Variants in DNHD1 observed in about 807,000 individuals in gnomAD.
The protein encoded by DNHD1 is dynein heavy chain domain-containing protein 1.
A neutral mutation model predicts 458.1 loss-of-function variants in DNHD1; 383 were observed. The ratio of observed to expected loss-of-function variants is 0.84; its 90% confidence interval spans 0.77 to 0.91. The LOEUF is 0.91. Among genes scored for constraint, DNHD1 ranks in the 40% least tolerant of loss-of-function variants. The pLI, the probability that DNHD1 is intolerant of heterozygous loss-of-function variation, is 0.00. For missense variants in DNHD1, 5,336 were observed against 5,866.1 expected (o/e 0.91, Z 2.95); for synonymous variants, 2,203 against 2,376.9 (o/e 0.93, Z 2.13).
At chr11:6,538,875 C>G in intron 16 of DNHD1, 65 bp downstream of exon 16, 1 of 1,367,184 alleles carries the variant, frequency 7.3e-7, no homozygotes, top group South Asian at 1.6e-5. Context: ...GATGCAGCAA[C>G]TCAGTTTCCT....
At chr11:6,522,024 A>C (rs2134398173) in intron 10 of DNHD1, among the ~76,000 whole-genome samples, 1 of 152,290 alleles carries the variant, frequency 6.6e-6, no homozygotes, top group Non-Finnish European at 1.5e-5. Flanking sequence ...GCCAGAACTG[A>C]AGTTCTGTTG....
intron 10 of DNHD1, among the ~76,000 whole-genome samples, chr11:6,526,107 C>A (rs1852706784): frequency 6.6e-6 from 1 of 151,734 alleles, no homozygotes. Flanking sequence ...AATATTTTTC[C>A]CTTTCTCTTG....
chr11:6,536,874 A>G (rs931557468), intron 14 of DNHD1, among the ~76,000 whole-genome samples: 2 of 151,958 alleles, frequency 1.3e-5, no homozygotes, highest in African/African-American at 4.8e-5. Flanking sequence ...ATTGTATGGG[A>G]CTCTAGCCAT....
At chr11:6,538,261 C>T (rs574462559) in intron 14 of DNHD1, 122 bp from the exon 15 acceptor site, 2 of 757,788 alleles carry the variant, frequency 2.6e-6, no homozygotes, top group Non-Finnish European at 2.2e-6. Context: ...CCACCTCCCC[C>T]ACCCCCAACC....
At chr11:6,566,186 T>C (rs955603690) in intron 33 of DNHD1, 55 bp from the exon 34 acceptor site, 57 of 1,538,020 alleles carry the variant, frequency 3.7e-5, no homozygotes, top group Non-Finnish European at 5.0e-5. Flanking sequence ...GCCTGGGGAA[T>C]GGGGATCATG....
In DNHD1 at chr11:6,559,276, C is replaced by A; in HGVS notation, c.9512C>A (p.Ser3171Tyr). ...IFDLEQQLKD[S>Y]GKSLSMFQQQ... Reference sequence around the variant, plus strand: ...GACTTGGAACAGCAGCTGAAAGACTCCGGCAAGGTAAGGAGATGATTTTGA... The same window carrying A: ...GACTTGGAACAGCAGCTGAAAGACTACGGCAAGGTAAGGAGATGATTTTGA... The change falls in exon 28 of 43, where the codon TCC (serine) becomes TAC (tyrosine). Residue 3171 changes from serine to tyrosine, a missense_variant. This residue lies in a region of DNHD1 where 3,932 missense variants were observed against 4,365.6 expected (regional missense o/e 0.90). Transcript: ENST00000254579. 6.4e-7 allele frequency: 1 copy of A among 1,551,440 alleles called. No individual in the cohort carries two copies. Among genetic ancestry groups the A allele is most frequent in the South Asian group, 1.2e-5 (1 of 84,050 alleles).
At chr11:6,569,038 T>A (rs968179038) in intron 39 of DNHD1, among the ~76,000 whole-genome samples, 172 bp downstream of exon 39, 6 of 152,092 alleles carry the variant, frequency 3.9e-5, no homozygotes, top group African/African-American at 1.4e-4. Context: ...TTGAATTGAG[T>A]CTTAAAAGCA....
Position 6,558,539 on chromosome 11 carries a change from A to T in DNHD1, c.9057A>T (p.Lys3019Asn). The T allele has an allele frequency of 6.4e-7, 1 of 1,551,686 alleles. No individual in the cohort carries two copies. The highest frequency in any genetic ancestry group is 8.7e-7 in the Non-Finnish European group (1 of 1,146,976). ...HLHLFFLIGD[K>N]QAHKQLPSTL... Reference sequence around the variant, plus strand: ...ACCTGTTCTTCCTGATTGGAGATAAACAGGCCCACAAGCAGCTGCCCTCCA... The same window carrying T: ...ACCTGTTCTTCCTGATTGGAGATAATCAGGCCCACAAGCAGCTGCCCTCCA... The change falls in exon 26 of 43, where the codon AAA (lysine) becomes AAT (asparagine). Residue 3019 changes from lysine to asparagine, a missense_variant. By Grantham distance (94) the Lys-to-Asn change is moderately conservative. Transcript: ENST00000254579.
chr11:6,539,851 G>A (rs774248271), intron 17 of DNHD1, 25 bp from the exon 18 acceptor site: 1 of 1,550,666 alleles, frequency 6.4e-7, no homozygotes, highest in South Asian at 1.2e-5. Flanking sequence ...ACCCAGTCCT[G>A]GTTCCTGAGA....
chr11:6,539,116 G>A, intron 16 of DNHD1, 103 bp from the exon 17 acceptor site: 1 of 779,316 alleles, frequency 1.3e-6, no homozygotes. Context: ...CTGCTATCTG[G>A]GGTCTGAGCT....
chr11:6,525,843 C>T (rs892994444), intron 10 of DNHD1, among the ~76,000 whole-genome samples: 4 of 152,084 alleles, frequency 2.6e-5, no homozygotes, highest in African/African-American at 9.7e-5. Flanking sequence ...TACAAAATCA[C>T]TTGTTCTTTT....
In DNHD1 at chr11:6,567,275, C is replaced by T. The variant is rs750533057; in HGVS notation, c.11766C>T (p.Thr3922=). 1.7e-5 allele frequency: 27 copies of T among 1,614,044 alleles called. No homozygotes were observed. In the South Asian group the frequency reaches 2.2e-4, roughly 13 times the overall value. The stretch of plus-strand genomic sequence containing the variant: ...TGACCCGCCAGCTGCTGGGCAGCAC[C>T]GTGACTGCACTGGGCCTTACCCAAG... ...AHLTRQLLGS[T]VTALGLTQVP... is the part of the protein sequence containing the mutation. Residue 3922 remains threonine, a synonymous_variant, in exon 36 of 43, where the codon ACC becomes ACT. Transcript: ENST00000254579.
In DNHD1 at chr11:6,564,984, A is replaced by G. The variant is rs552566843; in HGVS notation, c.10756+180A>G. ...ACATTTATTTTTTCTCTTTATTACA[A>G]TGATTCTGAATCTACATGACTGATT... On this transcript the variant is annotated intron_variant, in intron 32 of 42. Coordinates refer to ENST00000254579, the MANE Select transcript of DNHD1 (RefSeq NM_144666.3). 2.7e-4 allele frequency among the ~76,000 whole-genome samples: 41 copies of G among 152,240 alleles called. 3 individuals carry two copies. In the South Asian group the frequency reaches 6.0e-3, roughly 22 times the overall value.
Position 6,544,061 on chromosome 11 carries a change from C to A in DNHD1, c.3629-60C>A, listed in dbSNP as rs1589884168. 3.3e-6 allele frequency: 5 copies of A among 1,496,462 alleles called. No individual in the cohort carries two copies. The East Asian group carries it at 8.3e-5, about 25-fold the overall frequency. 92.7% of individuals were successfully genotyped at this position (1,496,462 alleles called of 1,614,324 possible). A position where few individuals can be genotyped will look rare whatever the true frequency, so the allele number is the denominator to read the frequency against. ...TGGAAGGTTCCCCTGGTCTCCTCTT[C>A]TCTCCCCCAGCCCCGGCCCTTGCCT... is the stretch of plus-strand genomic sequence containing the variant. On this transcript the variant is annotated intron_variant, in intron 18 of 42. Coordinates refer to ENST00000254579, the MANE Select transcript of DNHD1 (RefSeq NM_144666.3).
intron 8 of DNHD1, 31 bp from the exon 9 acceptor site, chr11:6,519,934 C>G: frequency 1.2e-6 from 2 of 1,613,756 alleles, no homozygotes; most frequent in Non-Finnish European, 1.7e-6. Context: ...ACATCTAGCC[C>G]CTCGACCTTT....
intron 18 of DNHD1, among the ~76,000 whole-genome samples, chr11:6,542,444 C>G (rs975693705): frequency 6.6e-6 from 1 of 152,246 alleles, no homozygotes; most frequent in Admixed American, 6.5e-5. Flanking sequence ...ACCAGTCTTT[C>G]CTGAGCTCAC....
At chr11:6,535,481 A>G (rs573251592) in intron 14 of DNHD1, among the ~76,000 whole-genome samples, 1 of 152,314 alleles carries the variant, frequency 6.6e-6, no homozygotes, top group East Asian at 1.9e-4. Flanking sequence ...GGGTAGGTAC[A>G]AGATGAACCT....
Position 6,498,762 on chromosome 11 carries a change from A to G in DNHD1, c.547A>G (p.Thr183Ala). 1 of 1,614,186 alleles carries G rather than the reference A, an allele frequency of 6.2e-7. No homozygotes were observed. The highest frequency in any genetic ancestry group is 1.1e-5 in the South Asian group (1 of 91,080). The part of the protein sequence containing the change: ...SRQQVKEELA[T>A]WLRPLTLPEL... ...GCAGCAAGTAAAGGAGGAGCTGGCC[A>G]CCTGGCTGCGACCATTGACACTGCC... is the stretch of plus-strand genomic sequence containing the variant. Residue 183 changes from threonine to alanine, a missense_variant, in exon 3 of 43, where the codon ACC becomes GCC. Around this residue, in one of 4 missense-constraint regions of DNHD1, gnomAD observed 3,932 missense variants for 4,365.6 expected, o/e 0.90. Coordinates refer to ENST00000254579, the MANE Select transcript of DNHD1 (RefSeq NM_144666.3).
rs1488281026 is a variant in DNHD1, at chr11:6,502,897, T to C, written c.891T>C (p.Tyr297=). Residue 297 remains tyrosine (Y), a synonymous_variant, in exon 4 of 43, where the codon TAT becomes TAC. Transcript: ENST00000254579. ...ACCTGAAGAAGATCCACTTCCTCTATCTCAATGTGGCTCCCAGCCGGTACT... is the reference window on the plus strand; with the variant it reads ...ACCTGAAGAAGATCCACTTCCTCTACCTCAATGTGGCTCCCAGCCGGTACT... ...ERYLKKIHFL[Y]LNVAPSRYFR... 2.5e-6 allele frequency: 4 copies of C among 1,613,632 alleles called. No individual in the cohort carries two copies. The highest frequency in any genetic ancestry group is 3.4e-6 in the Non-Finnish European group (4 of 1,179,864).
Sources: gnomAD v4.1 joint callset for allele counts (sites outside exome capture counted in the v4.1 genomes callset) on GRCh38, gnomAD v4.1.1 for gene constraint, gnomAD v4.1.1 regional missense constraint, MANE v1.5 for transcripts, NCBI Gene and HGNC (gene_info 2026-07-23, HGNC 2026-07-21) for gene names.